The following DCBLD2 variants were observed in gnomAD, a reference collection of about 807,000 sequenced individuals.
The protein encoded by DCBLD2 is discoidin, CUB and LCCL domain containing 2.
Under a neutral mutation model 86.8 loss-of-function variants are expected in DCBLD2, and 54 were observed. The observed-to-expected ratio is 0.62, with a 90% CI of 0.50 to 0.78. The LOEUF is 0.78. DCBLD2 is among the 30% of genes least tolerant of loss of function. The pLI, the probability that DCBLD2 is intolerant of heterozygous loss-of-function variation, is 0.00. For synonymous variants in DCBLD2, 354 were observed against 341.3 expected, an observed-to-expected ratio of 1.04 and a Z score of -0.41; for missense variants, 908 against 954.2, an observed-to-expected ratio of 0.95 and a Z score of 0.64.
intron 1 of DCBLD2, among the ~76,000 whole-genome samples, chr3:98,899,620 C>T (rs968172691): frequency 3.9e-5 from 6 of 152,114 alleles, no homozygotes; most frequent in South Asian, 2.1e-4. Context: ...CTATACTGTT[C>T]CAAGATTTTT....
intron 13 of DCBLD2, 22 bp downstream of exon 13, chr3:98,808,058 AG>A: frequency 6.6e-7 from 1 of 1,510,444 alleles, no homozygotes; most frequent in Non-Finnish European, 8.9e-7. Context: ...TTTTGGACTC[AG>A]GTGAACTAGT....
chr3:98,822,255 G>T lies in DCBLD2; in HGVS notation c.803C>A (p.Ser268Tyr), dbSNP rs1287249822. 1.2e-6 allele frequency: 2 copies of T among 1,613,918 alleles called. No individual in the cohort carries two copies. Among genetic ancestry groups the T allele is most frequent in the African/African-American group, 1.3e-5 (1 of 75,042 alleles). The change falls in exon 6 of 16, where the codon TCT becomes TAT. Residue 268 changes from serine (S) to tyrosine (Y), a missense_variant. Ser to Tyr is a moderately radical substitution (Grantham distance 144). Coordinates refer to ENST00000326840, the MANE Select transcript of DCBLD2 (RefSeq NM_080927.4). The stretch of plus-strand genomic sequence containing the variant: ...CACAGATGTGACGTTGTTAGCCAAA[G>T]AACTTTCATAATAGGGGATACCTTT... ...ISKGIPYYES[S>Y]LANNVTSVVG...
chr3:98,885,817 C>T lies in DCBLD2; in HGVS notation c.206-4050G>A, dbSNP rs1477974835. Among the ~76,000 whole-genome samples the T allele has an allele frequency of 1.3e-5, 2 of 151,524 alleles. 1 individual carries two copies. Among genetic ancestry groups the T allele is most frequent in the Admixed American group, 1.3e-4 (2 of 15,146 alleles). On this transcript the variant is annotated intron_variant, in intron 1 of 15. Coordinates refer to ENST00000326840, the MANE Select transcript of DCBLD2 (RefSeq NM_080927.4). ...CAGGGCAGAGGAGAAGAGGACCCCA[C>T]AGAAGCAATTTTACCTCCCATTTGG...
rs147961866 is a variant in DCBLD2 at position 98,839,616 on chromosome 3, T to C, written c.571+9845A>G. On this transcript the variant is annotated intron_variant, in intron 3 of 15. Transcript: ENST00000326840. ...AGAGCCAGGGCTGGCAGTTCGTTCA[T>C]TTATTCATTCAGCATATATTTAATA... Among the ~76,000 whole-genome samples the C allele has an allele frequency of 7.7e-3, 1,166 of 152,340 alleles. 25 individuals are homozygous for C. The highest frequency in any genetic ancestry group is 0.027 in the African/African-American group (1,112 of 41,572).
intron 1 of DCBLD2, chr3:98,890,588 T>C (rs1428015184): frequency 3.3e-5 from 5 of 152,094 alleles, no homozygotes; most frequent in Admixed American, 6.6e-5. Flanking sequence ...CAAAAGCCAA[T>C]GGAGAATTTT....
At chr3:98,801,514 G>A (rs886542067) in intron 14 of DCBLD2, 86 bp downstream of exon 14, 12 of 1,080,182 alleles carry the variant, frequency 1.1e-5, no homozygotes, top group Non-Finnish European at 1.6e-5. Flanking sequence ...ACCTGGGCCA[G>A]AGAATGACTC....
At chr3:98,863,320 A>T (rs1027600590) in intron 2 of DCBLD2, among the ~76,000 whole-genome samples, 8 of 152,196 alleles carry the variant, frequency 5.3e-5, no homozygotes, top group Admixed American at 2.6e-4. Context: ...TGCCATCCCC[A>T]TCAAGCTACC....
intron 13 of DCBLD2, among the ~76,000 whole-genome samples, chr3:98,803,504 A>ATC (rs1249591400): frequency 6.6e-6 from 1 of 152,294 alleles, no homozygotes; most frequent in Non-Finnish European, 1.5e-5. Context: ...GGAAAATTTG[A>ATC]CTTCCTCTTT....
chr3:98,863,551 T>G (rs1178085968), intron 2 of DCBLD2, among the ~76,000 whole-genome samples: 1 of 152,038 alleles, frequency 6.6e-6, no homozygotes, highest in Non-Finnish European at 1.5e-5. Context: ...CCCTCAGAAA[T>G]AATACCATAC....
rs1249557592 is a variant in DCBLD2, at chr3:98,901,309, C to T, written c.18G>A (p.Val6=). The change falls in exon 1 of 16, where the codon GTG becomes GTA. Residue 6 remains valine, a synonymous_variant. Transcript: ENST00000326840. ...ACTGCGGGCAGCGCCTGGCTCTCAC[C>T]ACCGCCCGGCTCGCCATCGCGGCGG... is the stretch of plus-strand genomic sequence containing the variant. The part of the protein sequence containing the change: MASRA[V]VRARRCPQCP... The T allele has an allele frequency of 2.1e-6, 3 of 1,429,230 alleles. No individual in the cohort carries two copies. The highest frequency in any genetic ancestry group is 3.0e-5 in the South Asian group (2 of 67,040). 88.5% of individuals were successfully genotyped at this position (1,429,230 alleles called of 1,614,324 possible).
intron 2 of DCBLD2, among the ~76,000 whole-genome samples, chr3:98,876,983 AAAG>A (rs780841561): frequency 6.6e-6 from 1 of 152,218 alleles, no homozygotes; most frequent in African/African-American, 2.4e-5. Flanking sequence ...TCATTTGTAT[AAAG>A]AAGTACGGAA....
chr3:98,825,461 A>C, intron 3 of DCBLD2, 95 bp from the exon 4 acceptor site: 1 of 929,054 alleles, frequency 1.1e-6, no homozygotes, highest in Non-Finnish European at 1.6e-6. Context: ...GTACTACTCT[A>C]ATTTTCAAAA....
intron 2 of DCBLD2, among the ~76,000 whole-genome samples, chr3:98,864,400 C>T (rs533126935): frequency 9.2e-5 from 14 of 151,518 alleles, no homozygotes; most frequent in African/African-American, 2.4e-4. Flanking sequence ...AAGGCACATG[C>T]GCATGTATGT....
chr3:98,879,964 C>G (rs1308003113), intron 2 of DCBLD2, among the ~76,000 whole-genome samples: 1 of 152,226 alleles, frequency 6.6e-6, no homozygotes, highest in Non-Finnish European at 1.5e-5. Context: ...GTACTGTCTG[C>G]TCCCTACTGC....
intron 1 of DCBLD2, among the ~76,000 whole-genome samples, 194 bp from the exon 2 acceptor site, chr3:98,881,961 G>A (rs1178022834): frequency 6.6e-6 from 1 of 151,968 alleles, no homozygotes; most frequent in Non-Finnish European, 1.5e-5. Context: ...TGATACATAT[G>A]ATGTATAGTG....
intron 2 of DCBLD2, among the ~76,000 whole-genome samples, chr3:98,862,402 C>T (rs987680956): frequency 6.6e-6 from 1 of 152,136 alleles, no homozygotes; most frequent in Admixed American, 6.5e-5. Flanking sequence ...CAAAGCCTGG[C>T]AGAGACACAA....
At chr3:98,820,996 A>G (rs922409204) in intron 6 of DCBLD2, 3 of 151,742 alleles carry the variant, frequency 2.0e-5, no homozygotes, top group Non-Finnish European at 4.4e-5. Flanking sequence ...AAAAAAAAAA[A>G]AAGAAGGGAA....
intron 12 of DCBLD2, among the ~76,000 whole-genome samples, chr3:98,810,128 C>A (rs1377377293): frequency 2.6e-5 from 4 of 152,124 alleles, no homozygotes; most frequent in African/African-American, 9.7e-5. Flanking sequence ...CTCTTTTTAG[C>A]CTTGAGGGTC....
intron 2 of DCBLD2, among the ~76,000 whole-genome samples, chr3:98,880,839 T>C (rs1943452782): frequency 6.6e-6 from 1 of 152,202 alleles, no homozygotes; most frequent in African/African-American, 2.4e-5. Context: ...CCCAGGAAGT[T>C]TGGATCCAAA....
Sources: gnomAD v4.1 joint callset for allele counts (sites outside exome capture counted in the v4.1 genomes callset) on GRCh38, gnomAD v4.1.1 for gene constraint, MANE v1.5 for transcripts, NCBI Gene and HGNC (gene_info 2026-07-23, HGNC 2026-07-21) for gene names.